C1orf159: variants seen among roughly 807,000 people sequenced by gnomAD.
C1orf159 encodes the protein uncharacterized protein C1orf159.
C1orf159 carries 19 observed loss-of-function variants against 25.6 expected under a neutral mutation model. The observed-to-expected ratio is 0.74, with a 90% CI of 0.52 to 1.09. C1orf159 has a LOEUF of 1.09. C1orf159 is among the 50% of genes least tolerant of loss of function. The pLI is 0.00. For synonymous variants in C1orf159, 139 were observed against 124.7 expected (o/e 1.12, Z -0.77); for missense variants, 274 against 290.6 (o/e 0.94, Z 0.42).
In C1orf159 at chr1:1,090,357, A is replaced by G; in HGVS notation, c.144T>C (p.Gly48=). The change falls in exon 4 of 10, where the codon GGT becomes GGC. Residue 48 remains glycine, a synonymous_variant. Coordinates refer to ENST00000421241, the MANE Select transcript of C1orf159 (RefSeq NM_017891.5). The part of the protein sequence containing the change: ...NASCPGASLC[G]PGCYRRWNAD... ...GCTTGGGACAAAGCGGCTTACCTGG[A>G]CCACACAGACTTGCGCCTGGGCAGC... 2 of 1,550,514 alleles carry G rather than the reference A, an allele frequency of 1.3e-6. No homozygotes were observed. The highest frequency in any genetic ancestry group is 1.7e-6 in the Non-Finnish European group (2 of 1,146,940).
intron 1 of C1orf159, among the ~76,000 whole-genome samples, chr1:1,112,243 A>G (rs897024773): frequency 1.3e-5 from 2 of 152,264 alleles, no homozygotes; most frequent in Non-Finnish European, 1.5e-5. Context: ...ATACGATCTC[A>G]GGAACTGGGC....
intron 4 of C1orf159, among the ~76,000 whole-genome samples, chr1:1,088,801 C>A (rs543995656): frequency 6.6e-6 from 1 of 152,128 alleles, no homozygotes; most frequent in Non-Finnish European, 1.5e-5. Context: ...ACGGGGACCC[C>A]GCGGTGGAGA....
intron 1 of C1orf159, among the ~76,000 whole-genome samples, chr1:1,094,036 G>A (rs1645977150): frequency 6.6e-6 from 1 of 151,848 alleles, no homozygotes; most frequent in East Asian, 1.9e-4. Flanking sequence ...TTTCTGAAGT[G>A]CCTACTCACA....
intron 1 of C1orf159, among the ~76,000 whole-genome samples, chr1:1,096,969 G>C (rs1211955677): frequency 2.0e-5 from 3 of 151,972 alleles, no homozygotes; most frequent in Non-Finnish European, 4.4e-5. Flanking sequence ...GAACTCCTGG[G>C]CTCAAACAAT....
rs751844454 is a variant in C1orf159, at chr1:1,087,601, C to A, written c.149-4G>T. Reference sequence around the variant, plus strand: ...GCGTTCCAGCGCCTGTAACAGCCTGCGTGGGGCAGAGGACGGGCATGTCAG... The same window carrying A: ...GCGTTCCAGCGCCTGTAACAGCCTGAGTGGGGCAGAGGACGGGCATGTCAG... On this transcript the variant is annotated splice_region_variant and splice_polypyrimidine_tract_variant and intron_variant, in intron 4 of 9. Coordinates refer to ENST00000421241, the MANE Select transcript of C1orf159 (RefSeq NM_017891.5). The surrounding 1 kb of genome is among the most constrained non-coding windows in gnomAD (Gnocchi z 8.3). 1.2e-5 allele frequency: 18 copies of A among 1,542,514 alleles called. No individual in the cohort carries two copies. Among genetic ancestry groups the A allele is most frequent in the Admixed American group, 2.0e-5 (1 of 50,628 alleles).
At chr1:1,084,269 C>G (rs775435100) in intron 9 of C1orf159, 84 bp downstream of exon 9, 1 of 1,519,290 alleles carries the variant, frequency 6.6e-7, no homozygotes, top group Non-Finnish European at 8.8e-7. Flanking sequence ...CCAGGCAAAC[C>G]CGTTTGGGGA....
chr1:1,084,330 G>A (rs1645794036), intron 9 of C1orf159, 23 bp downstream of exon 9: 3 of 1,536,968 alleles, frequency 2.0e-6, no homozygotes, highest in East Asian at 2.3e-5. Flanking sequence ...AACCCCACAG[G>A]GGGATGCGAC....
At chr1:1,096,181 A>G (rs986545531) in intron 1 of C1orf159, among the ~76,000 whole-genome samples, 2 of 152,222 alleles carry the variant, frequency 1.3e-5, no homozygotes, top group Non-Finnish European at 2.9e-5. Context: ...TCATAAAACA[A>G]GCTGGGAAAT....
At chr1:1,083,760 C>G in intron 9 of C1orf159, 1 of 691,794 alleles carries the variant, frequency 1.4e-6, no homozygotes, top group Non-Finnish European at 2.4e-6. Flanking sequence ...GGAGAACGGT[C>G]TGTCCCCTAA....
intron 9 of C1orf159, 56 bp from the exon 10 acceptor site, chr1:1,083,043 T>A: frequency 7.0e-7 from 1 of 1,434,310 alleles, no homozygotes; most frequent in Non-Finnish European, 9.5e-7. Flanking sequence ...GCAGGGACAG[T>A]GCAGGCCTCA....
At chr1:1,101,667 C>G (rs12134754) in intron 1 of C1orf159, among the ~76,000 whole-genome samples, 5 of 151,932 alleles carry the variant, frequency 3.3e-5, no homozygotes, top group Middle Eastern at 3.4e-3. Flanking sequence ...TGTCGGCTCA[C>G]GGTCTATTGG....
chr1:1,089,577 G>A lies in C1orf159; in HGVS notation c.148+776C>T, dbSNP rs998540730. Among the ~76,000 whole-genome samples, 6 of 152,084 alleles carry A rather than the reference G, an allele frequency of 3.9e-5. No homozygotes were observed. Among genetic ancestry groups the A allele is most frequent in the Non-Finnish European group, 7.4e-5 (5 of 68,002 alleles). ...GCGCCCAGCCTCACTGGCTGCCACA[G>A]CCGCCGTCTTGACCACGCCCTCCTC... On this transcript the variant is annotated intron_variant, in intron 4 of 9. Coordinates refer to ENST00000421241, the MANE Select transcript of C1orf159 (RefSeq NM_017891.5). The surrounding 1 kb of genome is among the most constrained non-coding windows in gnomAD (Gnocchi z 7.5).
Position 1,089,055 on chromosome 1 carries a change from G to A in C1orf159, c.148+1298C>T, listed in dbSNP as rs774426783. On this transcript the variant is annotated intron_variant, in intron 4 of 9. Coordinates refer to ENST00000421241, the MANE Select transcript of C1orf159 (RefSeq NM_017891.5). The surrounding 1 kb of genome is among the most constrained non-coding windows in gnomAD (Gnocchi z 7.5). ...CCACGGCAGGGAGCCAAACACCAGC[G>A]CAGCACTGTCCCCAGAAGTGCCCGC... is the stretch of plus-strand genomic sequence containing the variant. Among the ~76,000 whole-genome samples, 2 of 152,218 alleles carry A rather than the reference G, an allele frequency of 1.3e-5. No individual in the cohort carries two copies. The highest frequency in any genetic ancestry group is 2.9e-5 in the Non-Finnish European group (2 of 68,032).
intron 1 of C1orf159, among the ~76,000 whole-genome samples, chr1:1,108,970 T>TCGG (rs201475432): frequency 1.2e-5 from 1 of 84,462 alleles, no homozygotes; most frequent in Non-Finnish European, 2.1e-5. Flanking sequence ...CCACCATGTC[T>TCGG]CAGCACCATC....
In C1orf159 at chr1:1,082,638, C is replaced by T; in HGVS notation, c.*255G>A. ...TGGGGGGGCCCGGACCCCCCAAGGCCTCGATCTGAAGCTCTGAGGTCTCAT... is the reference window on the plus strand; with the variant it reads ...TGGGGGGGCCCGGACCCCCCAAGGCTTCGATCTGAAGCTCTGAGGTCTCAT... On this transcript the variant is annotated 3_prime_UTR_variant, in exon 10 of 10. Transcript: ENST00000421241. 1 of 529,374 alleles carries T rather than the reference C, an allele frequency of 1.9e-6. No individual in the cohort carries two copies. The allele number at this position is 529,374 out of a possible 1,614,324, so 32.8% of individuals were successfully genotyped here. A position where few individuals can be genotyped will look rare whatever the true frequency, so the allele number is the denominator to read the frequency against.
At chr1:1,090,992 A>AGTCACCGT in intron 3 of C1orf159, 1 of 1,547,804 alleles carries the variant, frequency 6.5e-7, no homozygotes, top group Non-Finnish European at 8.7e-7. Flanking sequence ...ACCTGAATGC[A>AGTCACCGT]GTGAACGGTG....
intron 1 of C1orf159, among the ~76,000 whole-genome samples, chr1:1,104,411 T>C (rs1646142879): frequency 6.6e-6 from 1 of 152,172 alleles, no homozygotes; most frequent in Non-Finnish European, 1.5e-5. Context: ...AGTCAAAACT[T>C]CCCTCCAAAA....
rs1646336164 is a variant in C1orf159 at position 1,116,030 on chromosome 1, C to T, written c.-136+30G>A. Reference sequence around the variant, plus strand: ...GGACCCCAGCGCCCCAACCCGCTACCCTCACGCCTGCCCCCAGCCCCTCAC... The same window carrying T: ...GGACCCCAGCGCCCCAACCCGCTACTCTCACGCCTGCCCCCAGCCCCTCAC... On this transcript the variant is annotated intron_variant, in intron 1 of 9. Transcript: ENST00000421241. This position sits in a 1 kb window ranked among gnomAD's most constrained non-coding sequence, Gnocchi z 4.8. 6.6e-6 allele frequency: 1 copy of T among 152,286 alleles called. No individual in the cohort carries two copies. The highest frequency in any genetic ancestry group is 1.5e-5 in the Non-Finnish European group (1 of 68,276). 9.4% of individuals were successfully genotyped at this position (152,286 alleles called of 1,614,324 possible).
chr1:1,112,588 C>T (rs140733320), intron 1 of C1orf159, among the ~76,000 whole-genome samples: 1 of 151,942 alleles, frequency 6.6e-6, no homozygotes, highest in Admixed American at 6.5e-5. Flanking sequence ...CTCCCTCCCC[C>T]CAGTGAATAC....
Sources: allele counts gnomAD v4.1 joint callset (sites outside exome capture counted in the v4.1 genomes callset), GRCh38; gene constraint gnomAD v4.1.1; non-coding constraint Gnocchi (gnomAD v3.1); transcripts MANE v1.5; gene names NCBI Gene and HGNC (gene_info 2026-07-23, HGNC 2026-07-21).